Variants in PARVB observed in about 807,000 individuals in gnomAD.
The protein encoded by PARVB is beta-parvin.
A neutral mutation model predicts 47.0 loss-of-function variants in PARVB; 46 were observed. The observed-to-expected ratio is 0.98, with a 90% CI of 0.77 to 1.25. PARVB has a LOEUF of 1.25. PARVB is among the 50% of genes most tolerant of loss of function. PARVB has a pLI of 0.00. For missense variants in PARVB, 473 were observed against 471.6 expected, an observed-to-expected ratio of 1.00 and a Z score of -0.03; for synonymous variants, 196 against 196.3, an observed-to-expected ratio of 1.00 and a Z score of 0.01.
chr22:44,135,285 G>A (rs1001981941), intron 6 of PARVB, among the ~76,000 whole-genome samples: 2 of 151,580 alleles, frequency 1.3e-5, no homozygotes, highest in Admixed American at 1.3e-4. Flanking sequence ...TTGAGATGGA[G>A]TCTCACTGTG....
At chr22:44,095,471 T>A (rs2052280764) in intron 2 of PARVB, among the ~76,000 whole-genome samples, 1 of 149,152 alleles carries the variant, frequency 6.7e-6, no homozygotes, top group African/African-American at 2.5e-5. Context: ...ACCACTGCAC[T>A]CCAACCTGGG....
intron 2 of PARVB, among the ~76,000 whole-genome samples, chr22:44,003,300 C>T (rs2050431230): frequency 6.6e-6 from 1 of 152,188 alleles, no homozygotes; most frequent in African/African-American, 2.4e-5. Flanking sequence ...TACCGTTCAT[C>T]TAAACGTAAT....
intron 1 of PARVB, among the ~76,000 whole-genome samples, chr22:44,026,014 C>T (rs1025887053): frequency 6.6e-6 from 1 of 152,188 alleles, no homozygotes; most frequent in Non-Finnish European, 1.5e-5. Flanking sequence ...CCAGGGGAGG[C>T]CTCTGAGGAG....
chr22:44,005,007 A>G (rs2050449712), intron 2 of PARVB, among the ~76,000 whole-genome samples: 1 of 152,250 alleles, frequency 6.6e-6, no homozygotes, highest in Non-Finnish European at 1.5e-5. Context: ...CGACCTGCTT[A>G]TGAGCCTTGA....
Position 44,139,188 on chromosome 22 carries a change from C to T in PARVB, c.693-936C>T, listed in dbSNP as rs561775740. The T allele has an allele frequency of 3.9e-5, 6 of 152,378 alleles. No homozygotes were observed. The East Asian group carries it at 1.2e-3, about 29-fold the overall frequency. 9.4% of individuals were successfully genotyped at this position (152,378 alleles called of 1,614,324 possible). A position where few individuals can be genotyped will look rare whatever the true frequency, so the allele number is the denominator to read the frequency against. Reference sequence around the variant, plus strand: ...CCTGGAAACATGAGTAACCTGCAACCTTGTGTGTGTGTTTGTTTGTTTATT... The same window carrying T: ...CCTGGAAACATGAGTAACCTGCAACTTTGTGTGTGTGTTTGTTTGTTTATT... On this transcript the variant is annotated intron_variant, in intron 7 of 12. Coordinates refer to ENST00000338758, the MANE Select transcript of PARVB (RefSeq NM_013327.5).
At chr22:44,112,784 C>A (rs2052736091) in intron 3 of PARVB, 1 of 121,216 alleles carries the variant, frequency 8.2e-6, no homozygotes, top group South Asian at 1.9e-4. Flanking sequence ...TAAGTAAGGC[C>A]CTGCACCAAC....
chr22:44,122,554 CACAGAG>C (rs2053085951), intron 4 of PARVB, among the ~76,000 whole-genome samples: 14 of 54,074 alleles, frequency 2.6e-4, no homozygotes, highest in South Asian at 7.8e-4. Flanking sequence ...GAGAGAGAGA[CACAGAG>C]ACAGAGAGAG....
intron 1 of PARVB, among the ~76,000 whole-genome samples, chr22:44,088,181 G>C (rs1488370883): frequency 6.6e-6 from 1 of 152,142 alleles, no homozygotes; most frequent in African/African-American, 2.4e-5. Context: ...GCTGCTCCTT[G>C]AATATATTAA....
At chr22:44,031,128 G>A (rs756932023) in intron 1 of PARVB, among the ~76,000 whole-genome samples, 20 of 152,242 alleles carry the variant, frequency 1.3e-4, no homozygotes, top group Admixed American at 6.5e-4. Flanking sequence ...AGCAGAGGCC[G>A]TCTCCGTTTG....
chr22:44,127,223 G>A (rs2053205824), intron 4 of PARVB, among the ~76,000 whole-genome samples: 1 of 150,970 alleles, frequency 6.6e-6, no homozygotes, highest in Non-Finnish European at 1.5e-5. Context: ...AATCTCTTGA[G>A]TGTCAAGTGG....
At chr22:44,035,824 A>C (rs2050912821) in intron 1 of PARVB, among the ~76,000 whole-genome samples, 1 of 151,718 alleles carries the variant, frequency 6.6e-6, no homozygotes, top group Non-Finnish European at 1.5e-5. Flanking sequence ...TATGATATGG[A>C]ATTTACTGGA....
intron 1 of PARVB, among the ~76,000 whole-genome samples, chr22:44,025,117 C>G (rs531528517): frequency 6.6e-6 from 1 of 152,044 alleles, no homozygotes; most frequent in Non-Finnish European, 1.5e-5. Flanking sequence ...CTGGAATTTT[C>G]TGCTTGGGTG....
chr22:44,091,667 G>A (rs377206693), intron 1 of PARVB, among the ~76,000 whole-genome samples: 11 of 152,254 alleles, frequency 7.2e-5, no homozygotes, highest in Admixed American at 5.2e-4. Context: ...TCCTTTTTAG[G>A]GCTAGATAAT....
Position 44,122,562 on chromosome 22 carries a change from C to CAGAGAGAGAGAGAG in PARVB, c.376+3457_376+3470dup, listed in dbSNP as rs55865160. Among the ~76,000 whole-genome samples, 8 of 78,800 alleles carry CAGAGAGAGAGAGAG rather than the reference C, an allele frequency of 1.0e-4. No homozygotes were observed. In the East Asian group the frequency reaches 2.0e-3, roughly 19 times the overall value. 51.7% of individuals were successfully genotyped at this position (78,800 alleles called of 152,430 possible). A position where few individuals can be genotyped will look rare whatever the true frequency, so the allele number is the denominator to read the frequency against. On this transcript the variant is annotated intron_variant, in intron 4 of 12. Coordinates refer to ENST00000338758, the MANE Select transcript of PARVB (RefSeq NM_013327.5). ...AGAGAGAGAGAGAGAGACACAGAGA[C>CAGAGAGAGAGAGAG]AGAGAGAGAGAGAGAGAGAGAGAGA... is the stretch of plus-strand genomic sequence containing the variant.
chr22:44,011,704 G>A (rs532739481), intron 2 of PARVB, among the ~76,000 whole-genome samples: 16 of 152,122 alleles, frequency 1.1e-4, no homozygotes, highest in South Asian at 4.2e-4. Flanking sequence ...CACCCCTGCC[G>A]TAGACCACTG....
intron 1 of PARVB, among the ~76,000 whole-genome samples, chr22:44,064,124 C>G (rs997576943): frequency 2.6e-5 from 4 of 152,156 alleles, no homozygotes; most frequent in African/African-American, 9.7e-5. Context: ...ATATCCTGCT[C>G]TGTTAAGATG....
intron 11 of PARVB, 55 bp downstream of exon 11, chr22:44,158,138 C>A: frequency 8.3e-7 from 1 of 1,204,910 alleles, no homozygotes; most frequent in Non-Finnish European, 1.2e-6. Flanking sequence ...CATTGAAATG[C>A]AGAGCATAGA....
chr22:44,151,761 G>A, intron 10 of PARVB: 2 of 540,284 alleles, frequency 3.7e-6, no homozygotes, highest in Non-Finnish European at 6.7e-6. Flanking sequence ...CACAAACCTA[G>A]TGGCTGAAAC....
Position 44,170,954 on chromosome 22 carries a change from A to G in PARVB, c.*2276A>G, listed in dbSNP as rs2054261957. ...GGCTGGGGATGGGTTCAGAATAGCC[A>G]TTTTGATGGAGGTGATTTCCCAGCA... On this transcript the variant is annotated 3_prime_UTR_variant, in exon 13 of 13. Transcript: ENST00000338758. The G allele has an allele frequency of 6.6e-6, 1 of 152,230 alleles. No homozygotes were observed. Among genetic ancestry groups the G allele is most frequent in the African/African-American group, 2.4e-5 (1 of 41,458 alleles). 9.4% of individuals were successfully genotyped at this position (152,230 alleles called of 1,614,324 possible).
Sources: allele counts gnomAD v4.1 joint callset (sites outside exome capture counted in the v4.1 genomes callset), GRCh38; gene constraint gnomAD v4.1.1; transcripts MANE v1.5; gene names NCBI Gene and HGNC (gene_info 2026-07-23, HGNC 2026-07-21).